Variants in GSE1 observed in about 807,000 individuals in gnomAD.
GSE1 encodes the protein genetic suppressor element 1.
GSE1 carries 32 observed loss-of-function variants against 112.6 expected under a neutral mutation model. The observed-to-expected ratio is 0.28, with a 90% CI of 0.21 to 0.38. The LOEUF (loss-of-function observed/expected upper bound fraction) is 0.38, where lower values mean the gene tolerates loss of function less well. Ranked by LOEUF, GSE1 falls within the 10% of genes least tolerant of loss-of-function variation. The pLI, the probability that GSE1 is intolerant of heterozygous loss-of-function variation, is 1.00. For missense variants in GSE1, 2,348 were observed against 1,699.2 expected (o/e 1.38, Z -6.71); for synonymous variants, 1,115 against 735.6 (o/e 1.52, Z -8.35).
chr16:85,544,535 G>C (rs916545758), intron 2 of GSE1, among the ~76,000 whole-genome samples: 1 of 152,186 alleles, frequency 6.6e-6, no homozygotes, highest in African/African-American at 2.4e-5. Context: ...GACACAGAGG[G>C]CCCTCGGGCA....
intron 1 of GSE1, among the ~76,000 whole-genome samples, chr16:85,318,451 G>A (rs1313692118): frequency 1.3e-5 from 2 of 152,138 alleles, no homozygotes; most frequent in African/African-American, 4.8e-5. Flanking sequence ...TTTTTGTAAA[G>A]TGGGAACCTC....
intron 1 of GSE1, among the ~76,000 whole-genome samples, chr16:85,616,735 C>A (rs563043432): frequency 6.6e-6 from 1 of 151,220 alleles, no homozygotes; most frequent in African/African-American, 2.4e-5. Flanking sequence ...TCACCGAGTG[C>A]GGTGTGGGAC....
At chr16:85,437,584 G>GC (rs1403750021) in intron 2 of GSE1, among the ~76,000 whole-genome samples, 2 of 152,092 alleles carry the variant, frequency 1.3e-5, no homozygotes, top group African/African-American at 4.8e-5. Context: ...GCAGCCACAT[G>GC]CTCGGGGGAT....
At chr16:85,613,165 G>A (rs2048107135), upstream of GSE1, 2 of 1,376,238 alleles carry the variant, frequency 1.5e-6, no homozygotes, top group South Asian at 1.6e-5. Context: ...AGGTCAGGGA[G>A]CCGGGAGCGA....
intron 2 of GSE1, among the ~76,000 whole-genome samples, chr16:85,434,932 C>A (rs1597744805): frequency 1.3e-5 from 2 of 152,364 alleles, no homozygotes; most frequent in Admixed American, 1.3e-4. Flanking sequence ...CAGCCTTTCC[C>A]TGTCCCCTCC....
exon 1 of GSE1, chr16:85,556,136 TGCGGG>T: frequency 1.2e-6 from 1 of 866,886 alleles, no homozygotes; most frequent in Non-Finnish European, 1.4e-6. Context: ...TTGATCATCT[TGCGGG>T]GCGGGGGGGG....
chr16:85,447,736 A>G (rs540621887), intron 2 of GSE1, among the ~76,000 whole-genome samples: 20 of 152,212 alleles, frequency 1.3e-4, no homozygotes, highest in African/African-American at 4.8e-4. Context: ...GAGAAGAAAG[A>G]CTGGCAGTGA....
Position 85,621,949 on chromosome 16 carries a change from G to T in GSE1, c.7+8551G>T, listed in dbSNP as rs376814124. Among the ~76,000 whole-genome samples the T allele has an allele frequency of 1.4e-4, 21 of 152,272 alleles. No individual in the cohort carries two copies. In the East Asian group the frequency reaches 3.7e-3, roughly 27 times the overall value. On this transcript the variant is annotated intron_variant, in intron 1 of 15. Coordinates refer to ENST00000253458, the MANE Select transcript of GSE1 (RefSeq NM_014615.5). ...CTTCTCATGGCGCAACAAGAACTTT[G>T]TTACCAGTCTTGGTGGCAGAGACTG...
intron 2 of GSE1, among the ~76,000 whole-genome samples, chr16:85,408,542 A>G (rs1243607517): frequency 3.6e-4 from 11 of 30,868 alleles, no homozygotes; most frequent in East Asian, 1.9e-3. Context: ...CCTCACTGTT[A>G]CACTCAGGGC....
At chr16:85,279,579 G>C (rs2044793422) in intron 1 of GSE1, among the ~76,000 whole-genome samples, 1 of 152,166 alleles carries the variant, frequency 6.6e-6, no homozygotes, top group Admixed American at 6.5e-5. Flanking sequence ...CTGGGTGGCA[G>C]AGCAAGACCC....
chr16:85,663,583 C>T lies in GSE1; in HGVS notation c.2613C>T (p.Asn871=), dbSNP rs780584230. ...EEKKKFLTIF[N]LTHISAEKRK... ...AGAAGAAGTTCCTGACCATCTTCAACCTGACCCACATCAGCGCTGAGAAGA... is the reference window on the plus strand; with the variant it reads ...AGAAGAAGTTCCTGACCATCTTCAATCTGACCCACATCAGCGCTGAGAAGA... The change falls in exon 11 of 16, where the codon AAC becomes AAT. Residue 871 remains asparagine, a synonymous_variant. Transcript: ENST00000253458. 2 of 1,613,846 alleles carry T rather than the reference C, an allele frequency of 1.2e-6. No homozygotes were observed. The highest frequency in any genetic ancestry group is 3.3e-5 in the Admixed American group (2 of 59,982).
At chr16:85,580,571 G>T (rs928908824) in intron 1 of GSE1, among the ~76,000 whole-genome samples, 1 of 152,234 alleles carries the variant, frequency 6.6e-6, no homozygotes, top group Non-Finnish European at 1.5e-5. Context: ...GCAGCCTCCT[G>T]TTGGGTCACA....
At chr16:85,347,488 G>A (rs1250479912) in intron 1 of GSE1, among the ~76,000 whole-genome samples, 3 of 152,176 alleles carry the variant, frequency 2.0e-5, no homozygotes, top group Non-Finnish European at 2.9e-5. Context: ...GGGACCATCA[G>A]CTGCCTCCGA....
At chr16:85,178,515 G>C (rs931407657) in intron 1 of GSE1, among the ~76,000 whole-genome samples, 4 of 152,110 alleles carry the variant, frequency 2.6e-5, no homozygotes, top group Admixed American at 2.6e-4. Context: ...GGATCTCTGA[G>C]GGGTGGTCCC....
intron 5 of GSE1, 58 bp downstream of exon 5, chr16:85,655,049 G>C (rs1216541602): frequency 9.1e-7 from 1 of 1,098,114 alleles, no homozygotes; most frequent in Non-Finnish European, 1.3e-6. Context: ...TGGCAAGATG[G>C]AACCTGGCGG....
chr16:85,315,688 G>C (rs1306908867), intron 1 of GSE1, among the ~76,000 whole-genome samples: 1 of 152,224 alleles, frequency 6.6e-6, no homozygotes, highest in African/African-American at 2.4e-5. Flanking sequence ...TTGCATTTCA[G>C]ATAAACAACG....
upstream of GSE1, chr16:85,611,359 A>G (rs1408715686): frequency 2.4e-6 from 1 of 408,480 alleles, no homozygotes; most frequent in East Asian, 1.9e-4. Flanking sequence ...GGCCGGGTGA[A>G]TCCGCCGGCC....
intron 1 of GSE1, among the ~76,000 whole-genome samples, chr16:85,613,868 G>A (rs931402555): frequency 1.3e-5 from 2 of 148,670 alleles, no homozygotes; most frequent in African/African-American, 4.9e-5. Context: ...GTGGGGGGGG[G>A]GGGTGCTCGC....
intron 1 of GSE1, among the ~76,000 whole-genome samples, chr16:85,196,642 C>T (rs938460922): frequency 2.6e-5 from 4 of 152,048 alleles, no homozygotes; most frequent in Non-Finnish European, 4.4e-5. Context: ...GCTCTTTCCC[C>T]GGTTGCTGGC....
Sources: allele counts gnomAD v4.1 joint callset (sites outside exome capture counted in the v4.1 genomes callset), GRCh38; gene constraint gnomAD v4.1.1; transcripts MANE v1.5; gene names NCBI Gene and HGNC (gene_info 2026-07-23, HGNC 2026-07-21).